CENPP: variants seen among roughly 807,000 people sequenced by gnomAD.
The protein encoded by CENPP is centromere protein P.
CENPP carries 24 observed loss-of-function variants against 35.6 expected under a neutral mutation model. That is an observed-to-expected ratio of 0.67 (90% CI 0.49 to 0.95). The LOEUF (loss-of-function observed/expected upper bound fraction) is 0.95, where lower values mean the gene tolerates loss of function less well. CENPP is among the 40% of genes least tolerant of loss of function. The pLI, the probability that CENPP is intolerant of heterozygous loss-of-function variation, is 0.00. For synonymous variants in CENPP, 120 were observed against 125.5 expected (o/e 0.96, Z 0.29); for missense variants, 332 against 345.3 (o/e 0.96, Z 0.31).
chr9:92,608,670 G>C (rs780456121), intron 5 of CENPP, among the ~76,000 whole-genome samples: 1 of 152,210 alleles, frequency 6.6e-6, no homozygotes, highest in Admixed American at 6.5e-5. Context: ...TTGGCTAAAA[G>C]AATGGAGCAT....
intron 5 of CENPP, among the ~76,000 whole-genome samples, chr9:92,608,064 A>T (rs1851130037): frequency 6.6e-6 from 1 of 152,212 alleles, no homozygotes; most frequent in South Asian, 2.1e-4. Context: ...CCTGCCAACC[A>T]GTTAGTGTGC....
intron 5 of CENPP, among the ~76,000 whole-genome samples, chr9:92,524,199 G>A (rs984200256): frequency 9.2e-5 from 14 of 152,302 alleles, no homozygotes; most frequent in East Asian, 1.9e-4. Flanking sequence ...TGTCTGGGGG[G>A]AAGGGCGTGA....
At chr9:92,480,316 C>T (rs1217478900) in intron 5 of CENPP, among the ~76,000 whole-genome samples, 2 of 152,266 alleles carry the variant, frequency 1.3e-5, no homozygotes, top group East Asian at 3.9e-4. Context: ...TTGAGACTTT[C>T]CCCCCATGGC....
In CENPP at chr9:92,541,817, G is replaced by A. The variant is rs903939430; in HGVS notation, c.565-69497G>A. On this transcript the variant is annotated intron_variant, in intron 5 of 7. Coordinates refer to ENST00000375587, the MANE Select transcript of CENPP (RefSeq NM_001012267.3). Reference sequence around the variant, plus strand: ...TTTCCTTTTTTGTTTTTTTTGAGACGGAGTCTTGCTCTGTCACCCAGGCTA... The same window carrying A: ...TTTCCTTTTTTGTTTTTTTTGAGACAGAGTCTTGCTCTGTCACCCAGGCTA... Among the ~76,000 whole-genome samples the A allele has an allele frequency of 5.9e-5, 9 of 151,670 alleles. No individual in the cohort carries two copies. In the East Asian group the frequency reaches 1.6e-3, roughly 26 times the overall value.
intron 5 of CENPP, chr9:92,417,272 A>G: frequency 1.2e-6 from 2 of 1,614,112 alleles, no homozygotes; most frequent in Admixed American, 3.3e-5. Context: ...CTGAAGGTAG[A>G]GTTGCTGAAT....
chr9:92,473,222 A>C (rs1845591309), intron 5 of CENPP, among the ~76,000 whole-genome samples: 1 of 152,170 alleles, frequency 6.6e-6, no homozygotes, highest in Non-Finnish European at 1.5e-5. Flanking sequence ...GCAATGTCTC[A>C]TGCAGGGTCT....
chr9:92,544,711 A>ATT (rs1588260767), intron 5 of CENPP, among the ~76,000 whole-genome samples: 1 of 118,848 alleles, frequency 8.4e-6, no homozygotes, highest in Admixed American at 9.0e-5. Flanking sequence ...TATCACTATA[A>ATT]ATTTTTTTTT....
At chr9:92,526,842 G>A (rs1848445488) in intron 5 of CENPP, among the ~76,000 whole-genome samples, 1 of 152,094 alleles carries the variant, frequency 6.6e-6, no homozygotes, top group African/African-American at 2.4e-5. Context: ...TTACAGTAGT[G>A]TATAGTAATG....
chr9:92,513,367 A>AC (rs141244091), intron 5 of CENPP, among the ~76,000 whole-genome samples: 2 of 152,234 alleles, frequency 1.3e-5, no homozygotes, highest in East Asian at 3.9e-4. Context: ...TGGGAAAGGA[A>AC]CAGCCACTTT....
chr9:92,618,249 A>G lies in CENPP; in HGVS notation c.*5100A>G. ...TTTGTGCAGGATGGTTCCAGTGCCTACACCCTAGGTCTGAGAAGCCACATG... is the reference window on the plus strand; with the variant it reads ...TTTGTGCAGGATGGTTCCAGTGCCTGCACCCTAGGTCTGAGAAGCCACATG... On this transcript the variant is annotated 3_prime_UTR_variant, in exon 8 of 8. Transcript: ENST00000375587. 2.2e-6 allele frequency: 1 copy of G among 456,642 alleles called. No individual in the cohort carries two copies. Among genetic ancestry groups the G allele is most frequent in the Non-Finnish European group, 4.4e-6 (1 of 226,950 alleles). The allele number at this position is 456,642 out of a possible 1,614,324, so 28.3% of individuals were successfully genotyped here. A position where few individuals can be genotyped will look rare whatever the true frequency, so the allele number is the denominator to read the frequency against.
chr9:92,598,437 A>G (rs1217098860), intron 5 of CENPP, among the ~76,000 whole-genome samples: 1 of 152,210 alleles, frequency 6.6e-6, no homozygotes, highest in African/African-American at 2.4e-5. Context: ...AGTAGTGGGA[A>G]TCTACTAGAG....
chr9:92,462,937 A>C (rs1845171726), intron 5 of CENPP, among the ~76,000 whole-genome samples: 2 of 152,220 alleles, frequency 1.3e-5, no homozygotes, highest in Admixed American at 1.3e-4. Context: ...GGAAGAGAAT[A>C]ATCTCTGGGA....
At chr9:92,440,031 A>G (rs907964847) in intron 5 of CENPP, among the ~76,000 whole-genome samples, 3 of 152,194 alleles carry the variant, frequency 2.0e-5, no homozygotes, top group Non-Finnish European at 4.4e-5. Flanking sequence ...GAAAGAAATA[A>G]TTCATGTTTC....
At chr9:92,536,037 G>T (rs1456481260) in intron 5 of CENPP, 3 of 504,282 alleles carry the variant, frequency 5.9e-6, no homozygotes, top group Non-Finnish European at 1.2e-5. Context: ...GGACAGAAGG[G>T]AATGTTGAAA....
At chr9:92,608,070 T>C (rs1851130332) in intron 5 of CENPP, among the ~76,000 whole-genome samples, 1 of 152,192 alleles carries the variant, frequency 6.6e-6, no homozygotes, top group South Asian at 2.1e-4. Context: ...AACCAGTTAG[T>C]GTGCTCAGCG....
At chr9:92,452,790 C>G (rs1261284627) in intron 5 of CENPP, among the ~76,000 whole-genome samples, 1 of 152,110 alleles carries the variant, frequency 6.6e-6, no homozygotes, top group Admixed American at 6.6e-5. Flanking sequence ...TGTTATTGGT[C>G]TATTCAGAGA....
At chr9:92,592,629 G>C (rs1417510537) in intron 5 of CENPP, among the ~76,000 whole-genome samples, 1 of 152,184 alleles carries the variant, frequency 6.6e-6, no homozygotes, top group African/African-American at 2.4e-5. Context: ...GATTTCTGTT[G>C]GGTGGAATTG....
chr9:92,407,802 G>A (rs767522408), intron 5 of CENPP, among the ~76,000 whole-genome samples: 9 of 151,964 alleles, frequency 5.9e-5, no homozygotes, highest in African/African-American at 9.7e-5. Flanking sequence ...TTGTAGAGAC[G>A]GGGTCCTCTT....
intron 5 of CENPP, among the ~76,000 whole-genome samples, chr9:92,551,015 G>A (rs775772832): frequency 3.9e-5 from 6 of 152,128 alleles, no homozygotes; most frequent in Non-Finnish European, 5.9e-5. Flanking sequence ...ATAGAGCCAG[G>A]GAAGAGGAAT....
Sources: allele counts gnomAD v4.1 joint callset (sites outside exome capture counted in the v4.1 genomes callset), GRCh38; gene constraint gnomAD v4.1.1; transcripts MANE v1.5; gene names NCBI Gene and HGNC (gene_info 2026-07-23, HGNC 2026-07-21).